TEAD1: variants seen among roughly 807,000 people sequenced by gnomAD.
TEAD1 encodes the protein TEA domain transcription factor 1.
A neutral mutation model predicts 54.9 loss-of-function variants in TEAD1; 9 were observed. The observed-to-expected ratio is 0.16, with a 90% CI of 0.10 to 0.29. The LOEUF is 0.29. Ranked by LOEUF, TEAD1 falls within the 10% of genes least tolerant of loss-of-function variation. The pLI is 1.00. For synonymous variants in TEAD1, 200 were observed against 187.8 expected (o/e 1.07, Z -0.53); for missense variants, 387 against 535.9 (o/e 0.72, Z 2.74).
At chr11:12,681,955 C>T (rs1277570824) in intron 2 of TEAD1, among the ~76,000 whole-genome samples, 1 of 152,240 alleles carries the variant, frequency 6.6e-6, no homozygotes, top group Admixed American at 6.5e-5. Context: ...CAGTGGTTCC[C>T]ACCTTAGCAT....
intron 2 of TEAD1, among the ~76,000 whole-genome samples, chr11:12,744,691 A>T (rs1280314337): frequency 2.0e-5 from 3 of 152,242 alleles, no homozygotes; most frequent in African/African-American, 7.2e-5. Flanking sequence ...AAATATTTTT[A>T]AAAACCCGAT....
At chr11:12,921,458 C>G (rs1013573251) in intron 10 of TEAD1, among the ~76,000 whole-genome samples, 3 of 149,412 alleles carry the variant, frequency 2.0e-5, no homozygotes, top group Admixed American at 6.7e-5. Flanking sequence ...GAGAGTCGCT[C>G]AAACCCAGGA....
intron 3 of TEAD1, among the ~76,000 whole-genome samples, chr11:12,837,808 T>G (rs1373997947): frequency 7.1e-6 from 1 of 140,112 alleles, no homozygotes; most frequent in African/African-American, 3.1e-5. Flanking sequence ...CCTTCTTCTT[T>G]TTTTTTTTTT....
intron 3 of TEAD1, among the ~76,000 whole-genome samples, chr11:12,814,577 A>T (rs1209219607): frequency 6.6e-6 from 1 of 152,166 alleles, no homozygotes; most frequent in Non-Finnish European, 1.5e-5. Context: ...GGAAGGGAAG[A>T]CCAGATTGGA....
chr11:12,842,326 C>T (rs1947059087), intron 3 of TEAD1, among the ~76,000 whole-genome samples: 1 of 152,144 alleles, frequency 6.6e-6, no homozygotes, highest in African/African-American at 2.4e-5. Flanking sequence ...TGCTGTTTCC[C>T]TGGGCTTAAA....
chr11:12,820,139 C>T (rs1946510618), intron 3 of TEAD1, among the ~76,000 whole-genome samples: 1 of 152,136 alleles, frequency 6.6e-6, no homozygotes, highest in Non-Finnish European at 1.5e-5. Context: ...TGCAGAGCCA[C>T]ACAGCAAAGG....
rs543582787 is a variant in TEAD1 at position 12,746,063 on chromosome 11, G to A, written c.-54-18116G>A. 5.3e-5 allele frequency among the ~76,000 whole-genome samples: 8 copies of A among 152,312 alleles called. No homozygotes were observed. The South Asian group carries it at 1.5e-3, about 28-fold the overall frequency. ...AGGCATTGTGTGTGGAGTAAACCAG[G>A]ATGAAAGAACAATGGATGGAGAATC... On this transcript the variant is annotated intron_variant, in intron 2 of 12. Transcript: ENST00000527636.
chr11:12,729,615 A>T (rs147871648), intron 2 of TEAD1, among the ~76,000 whole-genome samples: 1 of 152,204 alleles, frequency 6.6e-6, no homozygotes, highest in Non-Finnish European at 1.5e-5. Context: ...CATTCATTAT[A>T]TTGTGTGGTA....
chr11:12,892,461 T>G (rs1167691625), intron 9 of TEAD1, among the ~76,000 whole-genome samples: 2 of 152,052 alleles, frequency 1.3e-5, no homozygotes, highest in Non-Finnish European at 2.9e-5. Context: ...CTGGCCAACA[T>G]GGTGAATCCC....
intron 3 of TEAD1, among the ~76,000 whole-genome samples, chr11:12,791,145 G>A (rs1945794255): frequency 6.6e-6 from 1 of 152,208 alleles, no homozygotes; most frequent in Non-Finnish European, 1.5e-5. Flanking sequence ...TCCAGGGATA[G>A]CTACTCTTGT....
chr11:12,821,873 C>T (rs533692801), intron 3 of TEAD1, among the ~76,000 whole-genome samples: 9 of 151,776 alleles, frequency 5.9e-5, no homozygotes, highest in South Asian at 2.1e-4. Flanking sequence ...CTACCTCCTC[C>T]GCTGTCTGCC....
chr11:12,910,764 T>TTTTTTTTTTA (rs1948602445), intron 10 of TEAD1, among the ~76,000 whole-genome samples: 1 of 149,774 alleles, frequency 6.7e-6, no homozygotes, highest in African/African-American at 2.5e-5. Flanking sequence ...TTTTTTTTTT[T>TTTTTTTTTTA]GAGATGGAGT....
At position 12,792,679 on chromosome 11, in the gene TEAD1, C is replaced by T. The variant is rs183473510; in HGVS notation, c.202+28245C>T. ...TCAAAATAAGGGCAGTTATACTGAACGCCTGTATGGGTGCTATGAGGATTA... is the reference window on the plus strand; with the variant it reads ...TCAAAATAAGGGCAGTTATACTGAATGCCTGTATGGGTGCTATGAGGATTA... On this transcript the variant is annotated intron_variant, in intron 3 of 12. Transcript: ENST00000527636. Among the ~76,000 whole-genome samples, 1,137 of 144,122 alleles carry T rather than the reference C, an allele frequency of 7.9e-3. 15 individuals carry two copies. The highest frequency in any genetic ancestry group is 0.032 in the African/African-American group (1,077 of 33,780). 94.5% of individuals were successfully genotyped at this position (144,122 alleles called of 152,430 possible).
intron 2 of TEAD1, among the ~76,000 whole-genome samples, chr11:12,714,224 A>AG (rs1320879559): frequency 5.9e-5 from 9 of 152,202 alleles, no homozygotes; most frequent in Admixed American, 5.9e-4. Context: ...TCTTTGGCTA[A>AG]GGGGCAGAAG....
rs192416089 is a variant in TEAD1, at chr11:12,839,975, C to T, written c.203-22275C>T. On this transcript the variant is annotated intron_variant, in intron 3 of 12. Coordinates refer to ENST00000527636, the MANE Select transcript of TEAD1 (RefSeq NM_021961.6). Reference sequence around the variant, plus strand: ...TAAGAGACCAGAAACGGGCCTGGCGCGGTGGTTCACGCCTGTAATCCAAGC... The same window carrying T: ...TAAGAGACCAGAAACGGGCCTGGCGTGGTGGTTCACGCCTGTAATCCAAGC... Among the ~76,000 whole-genome samples the T allele has an allele frequency of 5.5e-3, 830 of 151,988 alleles. 4 individuals are homozygous for T. The highest frequency in any genetic ancestry group is 0.044 in the Middle Eastern group (13 of 294).
intron 3 of TEAD1, among the ~76,000 whole-genome samples, chr11:12,786,990 G>C (rs1945691293): frequency 6.6e-6 from 1 of 152,148 alleles, no homozygotes; most frequent in African/African-American, 2.4e-5. Flanking sequence ...TGGCTTGAGT[G>C]GAGTCAGCAG....
At chr11:12,931,632 T>C (rs1317839748) in intron 12 of TEAD1, among the ~76,000 whole-genome samples, 1 of 152,188 alleles carries the variant, frequency 6.6e-6, no homozygotes, top group Non-Finnish European at 1.5e-5. Flanking sequence ...AAACTCTAAT[T>C]TATACCTTTT....
chr11:12,855,057 G>C (rs1184961971), intron 3 of TEAD1, among the ~76,000 whole-genome samples: 1 of 152,096 alleles, frequency 6.6e-6, no homozygotes, highest in Non-Finnish European at 1.5e-5. Flanking sequence ...TAGAAGAAAT[G>C]GTTAATTAGT....
intron 5 of TEAD1, among the ~76,000 whole-genome samples, chr11:12,866,197 C>T (rs1589939753): frequency 1.3e-5 from 2 of 152,226 alleles, no homozygotes; most frequent in East Asian, 3.8e-4. Flanking sequence ...GCAATACTCT[C>T]TATATGGATG....
Sources: allele counts gnomAD v4.1 joint callset (sites outside exome capture counted in the v4.1 genomes callset), GRCh38; gene constraint gnomAD v4.1.1; transcripts MANE v1.5; gene names NCBI Gene and HGNC (gene_info 2026-07-23, HGNC 2026-07-21).